TACC2: variants seen among roughly 807,000 people sequenced by gnomAD.
The protein encoded by TACC2 is transforming acidic coiled-coil containing protein 2.
A neutral mutation model predicts 227.3 loss-of-function variants in TACC2; 137 were observed. The observed-to-expected ratio is 0.60, with a 90% CI of 0.52 to 0.69. The LOEUF (loss-of-function observed/expected upper bound fraction) is 0.69, where lower values mean the gene tolerates loss of function less well. Among genes scored for constraint, TACC2 ranks in the 30% least tolerant of loss-of-function variants. The pLI is 0.00. For synonymous variants in TACC2, 1,523 were observed against 1,487.5 expected (o/e 1.02, Z -0.55); for missense variants, 3,470 against 3,694.4 (o/e 0.94, Z 1.57).
At chr10:122,071,101 A>G (rs920616960) in intron 3 of TACC2, among the ~76,000 whole-genome samples, 1 of 152,224 alleles carries the variant, frequency 6.6e-6, no homozygotes, top group African/African-American at 2.4e-5. Flanking sequence ...AGAAATGTTT[A>G]TACTCAGGTA....
intron 3 of TACC2, among the ~76,000 whole-genome samples, chr10:122,059,065 TGTTGTTG>T (rs2076511332): frequency 7.4e-6 from 1 of 135,044 alleles, no homozygotes; most frequent in Non-Finnish European, 1.6e-5. Flanking sequence ...GCTAATTTGT[TGTTGTTG>T]TTGTTGTTGT....
At chr10:122,104,966 A>C (rs1351996635) in intron 5 of TACC2, among the ~76,000 whole-genome samples, 2 of 152,188 alleles carry the variant, frequency 1.3e-5, no homozygotes, top group African/African-American at 2.4e-5. Flanking sequence ...GTTGCATCTC[A>C]CTTTTTAACC....
chr10:122,112,197 G>A (rs1423698032), intron 5 of TACC2, among the ~76,000 whole-genome samples: 2 of 152,076 alleles, frequency 1.3e-5, no homozygotes, highest in Non-Finnish European at 2.9e-5. Context: ...ATATAGTCAC[G>A]GGCTCTTCAT....
At chr10:122,156,249 A>G (rs547885336) in intron 7 of TACC2, among the ~76,000 whole-genome samples, 1 of 149,044 alleles carries the variant, frequency 6.7e-6, no homozygotes, top group African/African-American at 2.5e-5. Context: ...TTTGAGACAG[A>G]GTCTTGCTCT....
chr10:121,994,788 G>A (rs981505067), intron 1 of TACC2: 1 of 152,152 alleles, frequency 6.6e-6, no homozygotes, highest in Middle Eastern at 3.2e-3. Context: ...TGAGATTAGA[G>A]GGATAAAAGC....
rs1418910282 is a variant in TACC2, at chr10:122,194,965, G to A, written c.5835-75G>A. The A allele has an allele frequency of 2.0e-6, 3 of 1,497,892 alleles. No homozygotes were observed. Among genetic ancestry groups the A allele is most frequent in the East Asian group, 4.6e-5 (2 of 43,852 alleles). 92.8% of individuals were successfully genotyped at this position (1,497,892 alleles called of 1,614,324 possible). A position where few individuals can be genotyped will look rare whatever the true frequency, so the allele number is the denominator to read the frequency against. On this transcript the variant is annotated intron_variant, in intron 7 of 22. Transcript: ENST00000369005. The surrounding 1 kb of genome is among the most constrained non-coding windows in gnomAD (Gnocchi z 4.4). ...GCGAGCCAGAACCCACTGGCTCTGGGTGCGAAGGCCACACCGGCTCAGCAG... is the reference window on the plus strand; with the variant it reads ...GCGAGCCAGAACCCACTGGCTCTGGATGCGAAGGCCACACCGGCTCAGCAG...
At position 122,083,244 on chromosome 10, in the gene TACC2, G is replaced by C; in HGVS notation, c.744G>C (p.Val248=). The change falls in exon 4 of 23, where the codon GTG becomes GTC. Residue 248 remains valine, a synonymous_variant. Transcript: ENST00000369005. ...ESRQGVASVQ[V]TPEAPAAAQQ... The stretch of plus-strand genomic sequence containing the variant: ...GGCAGGGGGTGGCTTCTGTGCAAGT[G>C]ACCCCTGAGGCCCCTGCTGCAGCCC... The C allele has an allele frequency of 6.2e-7, 1 of 1,613,524 alleles. No individual in the cohort carries two copies. Among genetic ancestry groups the C allele is most frequent in the East Asian group, 2.2e-5 (1 of 44,846 alleles).
chr10:122,086,935 G>C lies in TACC2; in HGVS notation c.4435G>C (p.Ala1479Pro). ...RLQVEKKQQLAGEAEISHLAL... is the reference protein window; with the variant it reads ...RLQVEKKQQLPGEAEISHLAL... ...CCAGGTGGAGAAGAAGCAACAGTTG[G>C]CTGGAGAGGCTGAGATTTCCCATCT... Residue 1479 changes from alanine (A) to proline (P), a missense_variant, in exon 4 of 23, where the codon GCT (alanine) becomes CCT (proline). Around this residue, in one of 10 missense-constraint regions of TACC2, gnomAD observed 1,924 missense variants for 1,978.3 expected, o/e 0.97. Coordinates refer to ENST00000369005, the MANE Select transcript of TACC2 (RefSeq NM_206862.4). 1 of 1,613,952 alleles carries C rather than the reference G, an allele frequency of 6.2e-7. No homozygotes were observed. Among genetic ancestry groups the C allele is most frequent in the Non-Finnish European group, 8.5e-7 (1 of 1,180,040 alleles).
chr10:122,019,836 G>A (rs1486678967), intron 1 of TACC2: 1 of 152,290 alleles, frequency 6.6e-6, no homozygotes, highest in Non-Finnish European at 1.5e-5. Flanking sequence ...CTGAAGGGCA[G>A]AATTTCCATG....
chr10:122,170,820 G>A (rs1010084443), intron 7 of TACC2, among the ~76,000 whole-genome samples: 1 of 152,160 alleles, frequency 6.6e-6, no homozygotes, highest in African/African-American at 2.4e-5. Flanking sequence ...TCAGTTCTTT[G>A]AACACACAAC....
intron 2 of TACC2, among the ~76,000 whole-genome samples, chr10:122,026,310 T>A (rs1273644774): frequency 3.5e-5 from 2 of 57,218 alleles, no homozygotes; most frequent in African/African-American, 1.7e-4. Flanking sequence ...TGAGACTCTG[T>A]CTCAAAAAAA....
chr10:122,206,707 G>A (rs529859948), intron 8 of TACC2, among the ~76,000 whole-genome samples: 22 of 152,306 alleles, frequency 1.4e-4, no homozygotes, highest in African/African-American at 5.3e-4. Context: ...GATGAACTGC[G>A]GGTGCTGACT....
At position 122,211,234 on chromosome 10, in the gene TACC2, C is replaced by G. The variant is rs751522644; in HGVS notation, c.6809C>G (p.Ser2270Cys). ...TCCGTAAGGCTGGAGTTTGACTATT[C>G]TGAGGACAAGAGTAGTTGGGACAAC... ...GLSVRLEFDY[S>C]EDKSSWDNQQ... is the part of the protein sequence containing the mutation. Residue 2270 changes from serine (S) to cysteine (C), a missense_variant, in exon 9 of 23, where the codon TCT becomes TGT. Transcript: ENST00000369005. 6.2e-7 allele frequency: 1 copy of G among 1,614,120 alleles called. No homozygotes were observed. The highest frequency in any genetic ancestry group is 1.1e-5 in the South Asian group (1 of 91,068).
At chr10:122,226,192 C>T (rs57055962) in intron 12 of TACC2, among the ~76,000 whole-genome samples, 174 bp from the exon 13 acceptor site, 1 of 152,314 alleles carries the variant, frequency 6.6e-6, no homozygotes, top group East Asian at 1.9e-4. Flanking sequence ...CTGGCCTCCC[C>T]ACCTCACTCC....
chr10:122,022,161 G>T, intron 2 of TACC2, 147 bp downstream of exon 2: 1 of 689,144 alleles, frequency 1.5e-6, no homozygotes. Context: ...ATGGATCTAT[G>T]CAGCCATTTT....
At chr10:122,054,777 G>A (rs2076051919) in intron 3 of TACC2, among the ~76,000 whole-genome samples, 1 of 152,188 alleles carries the variant, frequency 6.6e-6, no homozygotes, top group African/African-American at 2.4e-5. Context: ...TGACCACAGT[G>A]CTTAGGCTCC....
In TACC2 at chr10:122,087,571, A is replaced by G. The variant is rs2080222473; in HGVS notation, c.5071A>G (p.Thr1691Ala). 2 of 1,613,532 alleles carry G rather than the reference A, an allele frequency of 1.2e-6. No individual in the cohort carries two copies. The highest frequency in any genetic ancestry group is 2.2e-5 in the East Asian group (1 of 44,880). Residue 1691 changes from threonine to alanine, a missense_variant, in exon 4 of 23, where the codon ACT (threonine) becomes GCT (alanine). By Grantham distance (58) the Thr-to-Ala change is moderately conservative. Around this residue, in one of 10 missense-constraint regions of TACC2, gnomAD observed 1,924 missense variants for 1,978.3 expected, o/e 0.97. Transcript: ENST00000369005. ...PAPPTGEVAD[T>A]PLEPGKVAGA... ...ACCACCAACTGGAGAAGTGGCAGAC[A>G]CTCCCCTGGAGCCTGGCAAGGTGGC...
intron 1 of TACC2, among the ~76,000 whole-genome samples, chr10:122,007,369 T>C (rs17102859): frequency 0.037 from 5,574 of 152,288 alleles, 355 homozygotes; most frequent in African/African-American, 0.13. Flanking sequence ...GTATTTTATA[T>C]ATGCTGAAAT....
At position 122,050,787 on chromosome 10, in the gene TACC2, AC is replaced by A. The variant is rs2075586934; in HGVS notation, c.146+238del. Reference sequence around the variant, plus strand: ...CCAAAGATGAAATTAGTAATTATAGACTTCCATTCCAGCCACACTCCAGAGT... The same window carrying A: ...CCAAAGATGAAATTAGTAATTATAGATTCCATTCCAGCCACACTCCAGAGT... On this transcript the variant is annotated intron_variant, in intron 3 of 22. Transcript: ENST00000369005. This position sits in a 1 kb window ranked among gnomAD's most constrained non-coding sequence, Gnocchi z 4.6. 2.0e-6 allele frequency: 1 copy of A among 509,846 alleles called. No individual in the cohort carries two copies. The highest frequency in any genetic ancestry group is 2.9e-5 in the South Asian group (1 of 34,142). 31.6% of individuals were successfully genotyped at this position (509,846 alleles called of 1,614,324 possible).
Sources: allele counts gnomAD v4.1 joint callset (sites outside exome capture counted in the v4.1 genomes callset), GRCh38; gene constraint gnomAD v4.1.1; regional missense constraint gnomAD v4.1.1; non-coding constraint Gnocchi (gnomAD v3.1); transcripts MANE v1.5; gene names NCBI Gene and HGNC (gene_info 2026-07-23, HGNC 2026-07-21).